Variants in MAP4K3 observed in about 807,000 individuals in gnomAD.
MAP4K3 encodes the protein mitogen-activated protein kinase kinase kinase kinase 3, also known as MAPK/ERK kinase kinase kinase 3.
Under a neutral mutation model 143.5 loss-of-function variants are expected in MAP4K3, and 94 were observed. The observed-to-expected ratio is 0.65, with a 90% CI of 0.55 to 0.78. The LOEUF (loss-of-function observed/expected upper bound fraction) is 0.78, where lower values mean the gene tolerates loss of function less well. Ranked by LOEUF, MAP4K3 falls within the 30% of genes least tolerant of loss-of-function variation. The pLI, the probability that MAP4K3 is intolerant of heterozygous loss-of-function variation, is 0.00. For synonymous variants in MAP4K3, 416 were observed against 347.2 expected, an observed-to-expected ratio of 1.20 and a Z score of -2.20; for missense variants, 1,077 against 1,068.1, an observed-to-expected ratio of 1.01 and a Z score of -0.12.
At chr2:39,429,201 T>C (rs962337523) in intron 1 of MAP4K3, among the ~76,000 whole-genome samples, 1 of 151,802 alleles carries the variant, frequency 6.6e-6, no homozygotes, top group Admixed American at 6.6e-5. Context: ...CACATTATAA[T>C]TACTACGCAA....
At chr2:39,263,041 G>C (rs964889547) in intron 28 of MAP4K3, among the ~76,000 whole-genome samples, 6 of 151,766 alleles carry the variant, frequency 4.0e-5, no homozygotes, top group African/African-American at 1.5e-4. Flanking sequence ...GCAGTGAGCT[G>C]AGATCATGCC....
At chr2:39,257,068 T>C (rs1680369543) in intron 31 of MAP4K3, among the ~76,000 whole-genome samples, 1 of 152,216 alleles carries the variant, frequency 6.6e-6, no homozygotes, top group Non-Finnish European at 1.5e-5. Context: ...TGAATGACAT[T>C]CTAGTTGGGA....
At chr2:39,267,378 T>C in intron 26 of MAP4K3, 131 bp from the exon 27 acceptor site, 1 of 709,210 alleles carries the variant, frequency 1.4e-6, no homozygotes, top group Admixed American at 2.3e-5. Context: ...TCTATTAAAA[T>C]TAGAATAAAA....
rs185458912 is a variant in MAP4K3, at chr2:39,326,117, G to A, written c.662+29C>T. On this transcript the variant is annotated intron_variant, in intron 9 of 33. Transcript: ENST00000263881. ...TACTAAGAGGATAAAAACCTTAAGC[G>A]TAAGATTCTTCAATGATGATGCACT... The A allele has an allele frequency of 4.4e-5, 70 of 1,601,496 alleles. 1 individual carries two copies. In the African/African-American group the frequency reaches 7.3e-4, roughly 17 times the overall value.
chr2:39,288,162 G>T lies in MAP4K3; in HGVS notation c.1433C>A (p.Pro478Gln). The change falls in exon 20 of 34, where the codon CCA (proline) becomes CAA (glutamine). Residue 478 changes from proline to glutamine, a missense_variant. By Grantham distance (76) the Pro-to-Gln change is moderately conservative (BLOSUM62 -1). Transcript: ENST00000263881. ...PAKPSQVPPR[P>Q]PPPRLPPHKP... Reference sequence around the variant, plus strand: ...GTGTGGGGGTAATCTGGGAGGTGGTGGTCTAGGTGGAACTTGGGATGGCTT... The same window carrying T: ...GTGTGGGGGTAATCTGGGAGGTGGTTGTCTAGGTGGAACTTGGGATGGCTT... 6.2e-7 allele frequency: 1 copy of T among 1,614,116 alleles called. No individual in the cohort carries two copies. Among genetic ancestry groups the T allele is most frequent in the Non-Finnish European group, 8.5e-7 (1 of 1,180,018 alleles).
intron 13 of MAP4K3, among the ~76,000 whole-genome samples, chr2:39,312,545 A>G (rs572129874): frequency 3.0e-4 from 45 of 152,344 alleles, no homozygotes; most frequent in African/African-American, 8.9e-4. Context: ...TGGGATTTGA[A>G]TATTTAGCAA....
At chr2:39,358,983 C>T (rs1420448293) in intron 2 of MAP4K3, among the ~76,000 whole-genome samples, 1 of 152,158 alleles carries the variant, frequency 6.6e-6, no homozygotes, top group African/African-American at 2.4e-5. Context: ...TTTCAAGTCA[C>T]AATCATGTCT....
At chr2:39,329,814 T>A (rs1030010967) in intron 8 of MAP4K3, among the ~76,000 whole-genome samples, 1 of 152,122 alleles carries the variant, frequency 6.6e-6, no homozygotes, top group Non-Finnish European at 1.5e-5. Flanking sequence ...TTCTAGAACA[T>A]AACAACCAGG....
At chr2:39,372,476 C>A (rs771756460) in intron 2 of MAP4K3, among the ~76,000 whole-genome samples, 5 of 150,518 alleles carry the variant, frequency 3.3e-5, no homozygotes, top group Non-Finnish European at 5.9e-5. Flanking sequence ...CCTAAAATAG[C>A]CAAAGCTATC....
intron 24 of MAP4K3, among the ~76,000 whole-genome samples, chr2:39,272,969 G>C (rs1039673411): frequency 6.6e-6 from 1 of 151,908 alleles, no homozygotes; most frequent in African/African-American, 2.4e-5. Context: ...AAGCATCATG[G>C]TGTAGTGGAA....
At chr2:39,284,873 AT>A (rs1484716794) in intron 21 of MAP4K3, among the ~76,000 whole-genome samples, 1 of 151,632 alleles carries the variant, frequency 6.6e-6, no homozygotes, top group African/African-American at 2.4e-5. Flanking sequence ...ATAAAATAAA[AT>A]AAATTTATTA....
At chr2:39,402,532 A>T (rs1157035685) in intron 1 of MAP4K3, among the ~76,000 whole-genome samples, 2 of 152,144 alleles carry the variant, frequency 1.3e-5, no homozygotes, top group Admixed American at 1.3e-4. Flanking sequence ...ATGCTCGTAA[A>T]AGGAAAAAAA....
chr2:39,380,231 G>A (rs1362571553), intron 1 of MAP4K3, among the ~76,000 whole-genome samples: 1 of 151,996 alleles, frequency 6.6e-6, no homozygotes, highest in African/African-American at 2.4e-5. Flanking sequence ...ACAAAAAGGG[G>A]AAAACAGACA....
chr2:39,359,071 G>A (rs922267542), intron 2 of MAP4K3, among the ~76,000 whole-genome samples: 3 of 152,156 alleles, frequency 2.0e-5, no homozygotes, highest in African/African-American at 7.2e-5. Flanking sequence ...TCTGAGACAA[G>A]GCAAGTCCCT....
At position 39,287,141 on chromosome 2, in the gene MAP4K3, A is replaced by G. The variant is rs185983215; in HGVS notation, c.1475-177T>C. Among the ~76,000 whole-genome samples the G allele has an allele frequency of 5.3e-5, 8 of 152,344 alleles. No individual in the cohort carries two copies. In the East Asian group the frequency reaches 1.3e-3, roughly 26 times the overall value. ...ACGTCATTTATATATATGTTCTTCT[A>G]TTTATACCTCTATTTCTGGCATATT... On this transcript the variant is annotated intron_variant, in intron 20 of 33. Transcript: ENST00000263881.
intron 1 of MAP4K3, among the ~76,000 whole-genome samples, chr2:39,401,135 A>C (rs1463551808): frequency 6.6e-6 from 1 of 152,138 alleles, no homozygotes. Context: ...GAGATGATGA[A>C]GCTAAGAATA....
At position 39,411,913 on chromosome 2, in the gene MAP4K3, C is replaced by CT. The variant is rs530449333; in HGVS notation, c.96+24978dup. On this transcript the variant is annotated intron_variant, in intron 1 of 33. Transcript: ENST00000263881. ...ACTTGACAACACGCTTCATGGCACT[C>CT]TAGAGAGTTTACAAAGTATGTCACA... Among the ~76,000 whole-genome samples, 12 of 152,292 alleles carry CT rather than the reference C, an allele frequency of 7.9e-5. 1 individual carries two copies. In the South Asian group the frequency reaches 2.5e-3, roughly 32 times the overall value.
At chr2:39,436,786 C>A in intron 1 of MAP4K3, 106 bp downstream of exon 1, 1 of 945,390 alleles carries the variant, frequency 1.1e-6, no homozygotes, top group Non-Finnish European at 1.6e-6. Context: ...CCGACTGCTC[C>A]CTGGCGCCAG....
intron 1 of MAP4K3, among the ~76,000 whole-genome samples, chr2:39,397,855 G>A (rs1404058178): frequency 6.6e-6 from 1 of 152,120 alleles, no homozygotes; most frequent in Admixed American, 6.5e-5. Context: ...ACAAGTATGT[G>A]AAAAAGAAAA....
Sources: allele counts gnomAD v4.1 joint callset (sites outside exome capture counted in the v4.1 genomes callset), GRCh38; gene constraint gnomAD v4.1.1; transcripts MANE v1.5; gene names NCBI Gene and HGNC (gene_info 2026-07-23, HGNC 2026-07-21).